UBR4: variants seen among roughly 807,000 people sequenced by gnomAD.
UBR4 encodes the protein ubiquitin protein ligase E3 component n-recognin 4.
UBR4 carries 124 observed loss-of-function variants against 575.6 expected under a neutral mutation model. The observed-to-expected ratio is 0.22, with a 90% confidence interval of 0.19 to 0.25. The LOEUF (loss-of-function observed/expected upper bound fraction) is 0.25, where lower values mean the gene tolerates loss of function less well. Ranked by LOEUF, UBR4 falls within the 10% of genes least tolerant of loss-of-function variation. The pLI is 1.00. For missense variants in UBR4, 4,818 were observed against 6,478.8 expected (o/e 0.74, Z 8.80); for synonymous variants, 2,455 against 2,473.7 (o/e 0.99, Z 0.22).
chr1:19,165,385 A>C (rs746441188), intron 30 of UBR4, 36 bp from the exon 31 acceptor site: 1 of 1,532,422 alleles, frequency 6.5e-7, no homozygotes, highest in East Asian at 2.2e-5. Context: ...GGAAAGAATC[A>C]CATTAAAGCC....
chr1:19,112,358 G>C, intron 78 of UBR4, 166 bp downstream of exon 78: 1 of 754,532 alleles, frequency 1.3e-6, no homozygotes. Flanking sequence ...TGCTCCCCAA[G>C]CTCGCTCACC....
intron 41 of UBR4, 47 bp downstream of exon 41, chr1:19,156,720 C>T (rs1350197066): frequency 6.3e-7 from 1 of 1,581,298 alleles, no homozygotes; most frequent in East Asian, 2.3e-5. Flanking sequence ...GAGAAAATGA[C>T]TAGAATCCAC....
chr1:19,105,021 G>A (rs529207227), intron 85 of UBR4, 27 bp downstream of exon 85: 2 of 1,608,442 alleles, frequency 1.2e-6, no homozygotes, highest in Admixed American at 1.7e-5. Flanking sequence ...TAGGGAAGGG[G>A]CTCTCTTGGG....
Position 19,089,075 on chromosome 1 carries a change from A to G in UBR4, c.14212-98T>C. ...TTTAGAAACTCAACCAGCATGCACCATCTCATGTCACCTGCTCAGCTGCAA... is the reference window on the plus strand; with the variant it reads ...TTTAGAAACTCAACCAGCATGCACCGTCTCATGTCACCTGCTCAGCTGCAA... On this transcript the variant is annotated intron_variant, in intron 97 of 105. Coordinates refer to ENST00000375254, the MANE Select transcript of UBR4 (RefSeq NM_020765.3). The surrounding 1 kb of genome is among the most constrained non-coding windows in gnomAD (Gnocchi z 4.3). The G allele has an allele frequency of 8.4e-7, 1 of 1,190,408 alleles. No individual in the cohort carries two copies. Among genetic ancestry groups the G allele is most frequent in the Non-Finnish European group, 1.2e-6 (1 of 836,114 alleles). The allele number at this position is 1,190,408 out of a possible 1,614,324, so 73.7% of individuals were successfully genotyped here.
chr1:19,104,589 G>A lies in UBR4; in HGVS notation c.12723C>T (p.Leu4241=), dbSNP rs2078991673. ...DLQQGYALKS[L]TGLLSSFVEV... ...AAGGTCCAGGTGGCTCTTTACCTGT[G>A]AGACTTTTAAGGGCATAACCCTGCT... The change falls in exon 86 of 106, where the codon CTC becomes CTT. Residue 4241 remains leucine, a synonymous_variant. Coordinates refer to ENST00000375254, the MANE Select transcript of UBR4 (RefSeq NM_020765.3). 6.2e-7 allele frequency: 1 copy of A among 1,614,100 alleles called. No individual in the cohort carries two copies. Among genetic ancestry groups the A allele is most frequent in the Non-Finnish European group, 8.5e-7 (1 of 1,179,992 alleles).
chr1:19,157,845 T>C lies in UBR4; in HGVS notation c.5730A>G (p.Gln1910=), dbSNP rs917124004. The change falls in exon 40 of 106, where the codon CAA becomes CAG. Residue 1910 remains glutamine (Q), a synonymous_variant. Transcript: ENST00000375254. The surrounding 1 kb of genome is among the most constrained non-coding windows in gnomAD (Gnocchi z 4.4). The part of the protein sequence containing the change: ...CVLSSPHGRR[Q]HLAVSHEKGK... ...CCTTCTCATGGCTGACAGCCAAATG[T>C]TGGCGGCGCCCATGGGGAGAGGAGA... 3 of 1,614,212 alleles carry C rather than the reference T, an allele frequency of 1.9e-6. No individual in the cohort carries two copies. Among genetic ancestry groups the C allele is most frequent in the African/African-American group, 1.3e-5 (1 of 75,072 alleles).
Position 19,193,577 on chromosome 1 carries a change from G to A in UBR4, c.1019-20C>T, listed in dbSNP as rs755647591. On this transcript the variant is annotated intron_variant, in intron 8 of 105. Coordinates refer to ENST00000375254, the MANE Select transcript of UBR4 (RefSeq NM_020765.3). ...TCACACCTGAAAAAGAAGATGCACA[G>A]GTCTCAGCCATGGAGTGCATCCAAG... 6 of 1,608,082 alleles carry A rather than the reference G, an allele frequency of 3.7e-6. No homozygotes were observed. Among genetic ancestry groups the A allele is most frequent in the African/African-American group, 1.3e-5 (1 of 74,800 alleles).
At chr1:19,195,833 A>G (rs1350630168) in intron 8 of UBR4, among the ~76,000 whole-genome samples, 1 of 152,092 alleles carries the variant, frequency 6.6e-6, no homozygotes, top group Non-Finnish European at 1.5e-5. Flanking sequence ...ATCCTCTCAC[A>G]GCTCAGAATC....
At position 19,141,627 on chromosome 1, in the gene UBR4, T is replaced by A; in HGVS notation, c.8310+20A>T. 1 of 1,613,076 alleles carries A rather than the reference T, an allele frequency of 6.2e-7. No homozygotes were observed. Among genetic ancestry groups the A allele is most frequent in the Non-Finnish European group, 8.5e-7 (1 of 1,179,430 alleles). ...AGTTGTGAAGCTCCTCCTCCCCTTC[T>A]CCTGCTGCCAGAGACTCACCACCAT... is the stretch of plus-strand genomic sequence containing the variant. On this transcript the variant is annotated intron_variant, in intron 56 of 105. Coordinates refer to ENST00000375254, the MANE Select transcript of UBR4 (RefSeq NM_020765.3).
chr1:19,183,966 C>A (rs778875203), intron 16 of UBR4, 50 bp downstream of exon 16: 1 of 1,613,830 alleles, frequency 6.2e-7, no homozygotes, highest in Admixed American at 1.7e-5. Context: ...TGCCAACAGC[C>A]AAACTCCATG....
In UBR4 at chr1:19,117,111, T is replaced by TA. The variant is rs1477172814; in HGVS notation, c.10823+109dup. The TA allele has an allele frequency of 3.4e-6, 4 of 1,179,692 alleles. No individual in the cohort carries two copies. The highest frequency in any genetic ancestry group is 2.9e-4 in the Middle Eastern group (1 of 3,422). The allele number at this position is 1,179,692 out of a possible 1,614,324, so 73.1% of individuals were successfully genotyped here. ...CATGAATGGAGGGGCCAAGAGGATG[T>TA]ATTAGGCCTCTAGGGATGTGCTGCC... On this transcript the variant is annotated intron_variant, in intron 73 of 105. Coordinates refer to ENST00000375254, the MANE Select transcript of UBR4 (RefSeq NM_020765.3). This position sits in a 1 kb window ranked among gnomAD's most constrained non-coding sequence, Gnocchi z 4.0.
rs147146114 is a variant in UBR4, at chr1:19,153,713, A to G, written c.6630+55T>C. On this transcript the variant is annotated intron_variant, in intron 45 of 105. Coordinates refer to ENST00000375254, the MANE Select transcript of UBR4 (RefSeq NM_020765.3). This position sits in a 1 kb window ranked among gnomAD's most constrained non-coding sequence, Gnocchi z 4.1. ...GGGAAAGTGAAATGAATATACAAAC[A>G]TAAAAAGAGACCAGGTTCACAGCAA... 171 of 1,572,674 alleles carry G rather than the reference A, an allele frequency of 1.1e-4. No individual in the cohort carries two copies. Among genetic ancestry groups the G allele is most frequent in the Non-Finnish European group, 1.4e-4 (159 of 1,161,984 alleles).
chr1:19,193,498 T>A lies in UBR4; in HGVS notation c.1078A>T (p.Thr360Ser). 6.2e-7 allele frequency: 1 copy of A among 1,614,188 alleles called. No homozygotes were observed. Among genetic ancestry groups the A allele is most frequent in the Non-Finnish European group, 8.5e-7 (1 of 1,180,026 alleles). ...LHVGSAQQVR[T>S]GSTSSKEDDY... is the part of the protein sequence containing the mutation. The stretch of plus-strand genomic sequence containing the variant: ...TCTTCTTTGGAGCTCGTGGACCCTG[T>A]CCGCACTTGCTGGGCACTACCCACA... The change falls in exon 9 of 106, where the codon ACA (threonine) becomes TCA (serine). Residue 360 changes from threonine (T) to serine (S), a missense_variant. By Grantham distance (58) the Thr-to-Ser change is moderately conservative. Around this residue, in one of 29 missense-constraint regions of UBR4, gnomAD observed 131 missense variants for 214.5 expected, o/e 0.61. Coordinates refer to ENST00000375254, the MANE Select transcript of UBR4 (RefSeq NM_020765.3).
chr1:19,082,078 C>T (rs1048252298), intron 102 of UBR4: 8 of 397,246 alleles, frequency 2.0e-5, no homozygotes, highest in Non-Finnish European at 3.6e-5. Context: ...ACTAAATGTG[C>T]ATGTGGTTCC....
intron 103 of UBR4, 51 bp from the exon 104 acceptor site, chr1:19,078,117 A>C (rs1359446143): frequency 6.3e-7 from 1 of 1,579,908 alleles, no homozygotes; most frequent in African/African-American, 1.3e-5. Context: ...GAGGATACTC[A>C]CAAGGACAGA....
In UBR4 at chr1:19,114,948, A is replaced by T. The variant is rs1406333020; in HGVS notation, c.11065T>A (p.Ser3689Thr). The change falls in exon 75 of 106, where the codon TCC becomes ACC. Residue 3689 changes from serine to threonine, a missense_variant and splice_region_variant. By Grantham distance (58) the Ser-to-Thr change is moderately conservative. Around this residue, in one of 29 missense-constraint regions of UBR4, gnomAD observed 10 missense variants for 65.4 expected, o/e 0.15. Coordinates refer to ENST00000375254, the MANE Select transcript of UBR4 (RefSeq NM_020765.3). ...ENVYQCHKCR[S>T]INYDEKDPFL... ...GGATCCTTTTCATCGTAGTTGATGG[A>T]TCTGAGTAACCAAAGCGTTTGGGTC... is the stretch of plus-strand genomic sequence containing the variant. 1 of 1,614,224 alleles carries T rather than the reference A, an allele frequency of 6.2e-7. No individual in the cohort carries two copies. The highest frequency in any genetic ancestry group is 8.5e-7 in the Non-Finnish European group (1 of 1,180,030).
rs370823763 is a variant in UBR4 at position 19,077,928 on chromosome 1, A to G, written c.15324+48T>C. 29 of 1,612,560 alleles carry G rather than the reference A, an allele frequency of 1.8e-5. No individual in the cohort carries two copies. The African/African-American group carries it at 2.4e-4, about 13-fold the overall frequency. ...CAGAGTCAGGGACAGGAGTGCAGAC[A>G]TTTTACACTCTTGCCAAAACCCACT... On this transcript the variant is annotated intron_variant, in intron 104 of 105. Transcript: ENST00000375254.
At position 19,210,228 on chromosome 1, in the gene UBR4, T is replaced by TACACTAGA; in HGVS notation, c.20_21insTCTAGTGT (p.Glu7AspfsTer4). ...GCGCCGGAGCCGCTGCCGCCGCCTCTTCGCCGCCGCTCGTCGCCATCTTCC... is the reference window on the plus strand; with the variant it reads ...GCGCCGGAGCCGCTGCCGCCGCCTCTACACTAGATCGCCGCCGCTCGTCGCCATCTTCC... On this transcript the variant is annotated frameshift_variant, in exon 1 of 106. Transcript: ENST00000375254. LOFTEE classifies it high-confidence loss of function. The TACACTAGA allele has an allele frequency of 1.4e-6, 2 of 1,430,550 alleles. No individual in the cohort carries two copies. The highest frequency in any genetic ancestry group is 6.1e-5 in the Admixed American group (2 of 32,908). 88.6% of individuals were successfully genotyped at this position (1,430,550 alleles called of 1,614,324 possible). A position where few individuals can be genotyped will look rare whatever the true frequency, so the allele number is the denominator to read the frequency against.
chr1:19,168,044 C>A lies in UBR4; in HGVS notation c.3882G>T (p.Leu1294Phe). The A allele has an allele frequency of 6.2e-7, 1 of 1,612,680 alleles. No individual in the cohort carries two copies. The highest frequency in any genetic ancestry group is 1.1e-5 in the South Asian group (1 of 90,900). ...LKHTLLSLVR[L>F]TGDLIVWSDE... is the part of the protein sequence containing the mutation. ...GTACTTACACAATAAGATCTCCAGTCAACCTGACCAGTGAGAGGAGGGTAT... is the reference window on the plus strand; with the variant it reads ...GTACTTACACAATAAGATCTCCAGTAAACCTGACCAGTGAGAGGAGGGTAT... The change falls in exon 28 of 106, where the codon TTG (leucine) becomes TTT (phenylalanine). Residue 1294 changes from leucine to phenylalanine, a missense_variant. Coordinates refer to ENST00000375254, the MANE Select transcript of UBR4 (RefSeq NM_020765.3).
Sources: allele counts gnomAD v4.1 joint callset (sites outside exome capture counted in the v4.1 genomes callset), GRCh38; gene constraint gnomAD v4.1.1; regional missense constraint gnomAD v4.1.1; non-coding constraint Gnocchi (gnomAD v3.1); transcripts MANE v1.5; gene names NCBI Gene and HGNC (gene_info 2026-07-23, HGNC 2026-07-21).